Variants in MIR2052HG observed in about 807,000 individuals in gnomAD.
MIR2052HG encodes MIR2052 host gene.
At chr8:74,752,487 T>G (rs73687271) in exon 5 of MIR2052HG, 147 of 456,140 alleles carry the variant, frequency 3.2e-4, no homozygotes, top group African/African-American at 2.5e-3. Context: ...TCCAAACTCA[T>G]TAACTTTGGA....
chr8:74,646,110 G>C (rs994376561), intron 2 of MIR2052HG, among the ~76,000 whole-genome samples: 2 of 139,140 alleles, frequency 1.4e-5, no homozygotes, highest in South Asian at 4.2e-4. Flanking sequence ...AGTCTAGTGG[G>C]AATACAAACA....
chr8:74,648,596 T>C (rs2128735917), intron 2 of MIR2052HG, among the ~76,000 whole-genome samples: 1 of 152,302 alleles, frequency 6.6e-6, no homozygotes, highest in Non-Finnish European at 1.5e-5. Context: ...CCTACCAATA[T>C]GTGATGACAC....
At chr8:74,642,873 T>C (rs1257575845) in intron 2 of MIR2052HG, among the ~76,000 whole-genome samples, 2 of 152,194 alleles carry the variant, frequency 1.3e-5, no homozygotes, top group African/African-American at 4.8e-5. Flanking sequence ...TAGCATTTGT[T>C]CCTCAAATTC....
At chr8:74,613,608 C>T (rs1808232513) in intron 2 of MIR2052HG, among the ~76,000 whole-genome samples, 2 of 152,162 alleles carry the variant, frequency 1.3e-5, no homozygotes, top group African/African-American at 2.4e-5. Context: ...GCCTCAGCCT[C>T]CCAAGTAGCT....
intron 4 of MIR2052HG, among the ~76,000 whole-genome samples, chr8:74,718,307 A>G (rs182668962): frequency 6.6e-6 from 1 of 152,306 alleles, no homozygotes; most frequent in Admixed American, 6.5e-5. Context: ...AGACCAGATG[A>G]CAGGGGCCTT....
intron 2 of MIR2052HG, among the ~76,000 whole-genome samples, chr8:74,621,848 T>G (rs1808365520): frequency 6.6e-6 from 1 of 152,168 alleles, no homozygotes. Flanking sequence ...TATACCCACA[T>G]GCAGAAGAAT....
At chr8:74,697,018 A>G (rs561224532) in intron 2 of MIR2052HG, among the ~76,000 whole-genome samples, 51 of 152,220 alleles carry the variant, frequency 3.4e-4, no homozygotes, top group South Asian at 8.3e-4. Flanking sequence ...AGGAAAGGAC[A>G]TAACAGAAAA....
chr8:74,689,355 A>C (rs529518014), intron 2 of MIR2052HG, among the ~76,000 whole-genome samples: 2 of 152,244 alleles, frequency 1.3e-5, no homozygotes, highest in East Asian at 3.9e-4. Flanking sequence ...ATTCTTCTCT[A>C]TTTTTCTTTT....
At chr8:74,696,342 A>G (rs1809296091) in intron 2 of MIR2052HG, among the ~76,000 whole-genome samples, 1 of 152,178 alleles carries the variant, frequency 6.6e-6, no homozygotes, top group Admixed American at 6.5e-5. Flanking sequence ...AGAAAAGTTC[A>G]TGGCATTAAA....
At chr8:74,607,293 A>C (rs1808125897) in intron 1 of MIR2052HG, among the ~76,000 whole-genome samples, 1 of 152,214 alleles carries the variant, frequency 6.6e-6, no homozygotes, top group Non-Finnish European at 1.5e-5. Flanking sequence ...TAAACATTTA[A>C]GCACTTAATA....
chr8:74,672,475 C>G (rs1021364554), intron 2 of MIR2052HG, among the ~76,000 whole-genome samples: 1 of 152,018 alleles, frequency 6.6e-6, no homozygotes, highest in Non-Finnish European at 1.5e-5. Flanking sequence ...GTGAAATGGA[C>G]TACCAGTCAT....
At chr8:74,696,590 G>C (rs1407744457) in intron 2 of MIR2052HG, among the ~76,000 whole-genome samples, 1 of 151,896 alleles carries the variant, frequency 6.6e-6, no homozygotes, top group Non-Finnish European at 1.5e-5. Flanking sequence ...ATCAAGAATA[G>C]AAGAGACAAG....
intron 2 of MIR2052HG, among the ~76,000 whole-genome samples, chr8:74,638,588 G>A (rs1037717429): frequency 6.6e-6 from 1 of 152,142 alleles, no homozygotes; most frequent in African/African-American, 2.4e-5. Flanking sequence ...GGATTTTGGG[G>A]AGTAGTGTGG....
chr8:74,677,159 T>C (rs575034392), intron 2 of MIR2052HG, among the ~76,000 whole-genome samples: 5 of 152,040 alleles, frequency 3.3e-5, no homozygotes, highest in Non-Finnish European at 7.4e-5. Context: ...ATTATAATTC[T>C]AAACCTACAT....
rs1808058070 is a variant in MIR2052HG at position 74,603,598 on chromosome 8, A to G, written n.128+3690A>G. ...CGTCATGGGAAAATGAGACTGTTGC[A>G]TTGCCAACTGGTGCAGCATGGTCAA... On this transcript the variant is annotated intron_variant and non_coding_transcript_variant, in intron 1 of 6. Transcript: ENST00000523442. The G allele has an allele frequency of 1.4e-5, 21 of 1,544,556 alleles. No individual in the cohort carries two copies. The Admixed American group carries it at 3.5e-4, about 26-fold the overall frequency.
At chr8:74,735,201 C>A (rs1809733322) in intron 4 of MIR2052HG, among the ~76,000 whole-genome samples, 2 of 152,100 alleles carry the variant, frequency 1.3e-5, no homozygotes, top group South Asian at 4.1e-4. Context: ...AGTTCTTGGC[C>A]ACAGACTTAG....
intron 2 of MIR2052HG, among the ~76,000 whole-genome samples, chr8:74,643,989 C>T (rs1808666262): frequency 6.6e-6 from 1 of 152,144 alleles, no homozygotes; most frequent in Admixed American, 6.5e-5. Context: ...CTTTTGTATC[C>T]TCAGTGCTTA....
At chr8:74,604,634 C>T (rs1203927384) in intron 1 of MIR2052HG, among the ~76,000 whole-genome samples, 4 of 123,152 alleles carry the variant, frequency 3.2e-5, no homozygotes, top group African/African-American at 1.3e-4. Flanking sequence ...GCTCTTGTTG[C>T]CCAGGCTGGA....
chr8:74,724,095 T>C (rs1809609374), intron 4 of MIR2052HG, among the ~76,000 whole-genome samples: 1 of 152,204 alleles, frequency 6.6e-6, no homozygotes, highest in African/African-American at 2.4e-5. Flanking sequence ...TTTAAATCTG[T>C]TCATGTTTAA....
Sources: allele counts gnomAD v4.1 joint callset (sites outside exome capture counted in the v4.1 genomes callset), GRCh38; gene constraint gnomAD v4.1.1; transcripts MANE v1.5; gene names NCBI Gene and HGNC (gene_info 2026-07-23, HGNC 2026-07-21).